The following CEP72 variants were observed in gnomAD, a reference collection of about 807,000 sequenced individuals.
CEP72 encodes the protein centrosomal protein 72, also known as centrosomal protein of 72 kDa.
Under a neutral mutation model 65.7 loss-of-function variants are expected in CEP72, and 78 were observed. That is an observed-to-expected ratio of 1.19 (90% CI 0.99 to 1.43). The LOEUF is 1.43. Among genes scored for constraint, CEP72 ranks in the 40% most tolerant of loss-of-function variants. CEP72 has a pLI of 0.00. For missense variants in CEP72, 914 were observed against 832.9 expected (o/e 1.10, Z -1.20); for synonymous variants, 358 against 351.7 (o/e 1.02, Z -0.20).
chr5:618,973 A>G lies in CEP72; in HGVS notation c.83-17A>G. The G allele has an allele frequency of 4.4e-6, 7 of 1,584,770 alleles. No homozygotes were observed. The highest frequency in any genetic ancestry group is 1.1e-5 in the South Asian group (1 of 89,012). ...TCAAAATAAAAGATTAAAATCTTACAATTTTTCTATTCTTAGCTGAGCTTC... is the reference window on the plus strand; with the variant it reads ...TCAAAATAAAAGATTAAAATCTTACGATTTTTCTATTCTTAGCTGAGCTTC... On this transcript the variant is annotated splice_polypyrimidine_tract_variant and intron_variant, in intron 1 of 11. Transcript: ENST00000264935.
chr5:628,598 CTTCT>C (rs1736943840), intron 4 of CEP72, among the ~76,000 whole-genome samples: 3 of 85,590 alleles, frequency 3.5e-5, no homozygotes, highest in South Asian at 4.3e-4. Flanking sequence ...CTTTGTGCAG[CTTCT>C]GGAGAACTCA....
intron 9 of CEP72, chr5:643,478 T>C (rs2455331): frequency 0.62 from 606,033 of 985,110 alleles, 188,660 homozygotes; most frequent in African/African-American, 0.89. Context: ...GCCTGGCGGG[T>C]GCATGCATGC....
At chr5:619,768 C>T (rs183355052) in intron 2 of CEP72, among the ~76,000 whole-genome samples, 5 of 152,296 alleles carry the variant, frequency 3.3e-5, no homozygotes, top group African/African-American at 1.2e-4. Flanking sequence ...TGTAGGGCGG[C>T]GTGTGGATTA....
intron 7 of CEP72, among the ~76,000 whole-genome samples, chr5:638,685 A>G (rs1432265736): frequency 6.6e-6 from 1 of 152,110 alleles, no homozygotes. Flanking sequence ...ACTCCGGGCC[A>G]TTGCTGGGGA....
intron 9 of CEP72, chr5:640,920 ATC>A (rs1737972321): frequency 2.0e-6 from 2 of 985,228 alleles, no homozygotes; most frequent in African/African-American, 1.7e-5. Flanking sequence ...TTGCTGACCC[ATC>A]TCTCAGGGCC....
In CEP72 at chr5:647,926, C is replaced by G; in HGVS notation, c.1778+10C>G. On this transcript the variant is annotated intron_variant, in intron 11 of 11. Transcript: ENST00000264935. ...TGCAGGAGAGCCACAGGTGCCTGCC[C>G]GTGAGACTTGGGTGGGCCCCCGAGG... 1.3e-6 allele frequency: 2 copies of G among 1,599,330 alleles called. No individual in the cohort carries two copies. Among genetic ancestry groups the G allele is most frequent in the Non-Finnish European group, 1.7e-6 (2 of 1,170,092 alleles).
chr5:642,714 A>G (rs1697978), intron 9 of CEP72: 606,169 of 985,296 alleles, frequency 0.62, 188,706 homozygotes, highest in African/African-American at 0.89. Flanking sequence ...TGAGTGATCC[A>G]GAAGAATCTG....
chr5:634,686 G>A (rs1443886966), intron 5 of CEP72, among the ~76,000 whole-genome samples: 1 of 151,890 alleles, frequency 6.6e-6, no homozygotes, highest in Non-Finnish European at 1.5e-5. Context: ...TTTCTCTCCA[G>A]GTCTGCCCAC....
intron 4 of CEP72, chr5:666,255 G>T: frequency 1.0e-6 from 1 of 999,146 alleles, no homozygotes; most frequent in Non-Finnish European, 1.4e-6. Flanking sequence ...CGGCCGCCCT[G>T]GTAGCACTGC....
chr5:618,865 G>T (rs1736165185), intron 1 of CEP72, 125 bp from the exon 2 acceptor site: 5 of 773,930 alleles, frequency 6.5e-6, no homozygotes, highest in African/African-American at 1.8e-5. Flanking sequence ...AGGAGCCTGA[G>T]TAAAGTTGAA....
Position 612,418 on chromosome 5 carries a change from C to A in CEP72, c.57C>A (p.Ser19Arg), listed in dbSNP as rs957991968. ...VLSEEAVRAK[S>R]GLGPHRDLAE... ...GCGAGGAGGCGGTTCGGGCGAAGAG[C>A]GGCTTAGGGCCTCACCGCGACCTGG... The change falls in exon 1 of 12, where the codon AGC becomes AGA. Residue 19 changes from serine to arginine, a missense_variant. Ser to Arg is a moderately radical substitution (Grantham distance 110). Transcript: ENST00000264935. The A allele has an allele frequency of 6.1e-6, 9 of 1,481,614 alleles. No individual in the cohort carries two copies. The highest frequency in any genetic ancestry group is 2.3e-5 in the Admixed American group (1 of 44,212). The allele number at this position is 1,481,614 out of a possible 1,614,324, so 91.8% of individuals were successfully genotyped here.
At chr5:615,308 G>A (rs1203665151) in intron 1 of CEP72, among the ~76,000 whole-genome samples, 3 of 151,904 alleles carry the variant, frequency 2.0e-5, no homozygotes, top group African/African-American at 7.3e-5. Context: ...CCTAATTTTT[G>A]TATTTTTAGT....
chr5:674,692 A>G, the CEP72 span, among the ~76,000 whole-genome samples: 20 of 151,992 alleles, frequency 1.3e-4, no homozygotes, highest in Non-Finnish European at 1.2e-4. Context: ...ACAGGCCCAC[A>G]CCGCATGGCC....
rs543824693 is a variant in CEP72, at chr5:645,017, G to C, written c.1666+592G>C. On this transcript the variant is annotated intron_variant, in intron 10 of 11. Coordinates refer to ENST00000264935, the MANE Select transcript of CEP72 (RefSeq NM_018140.4). This position sits in a 1 kb window ranked among gnomAD's most constrained non-coding sequence, Gnocchi z 4.0. Reference sequence around the variant, plus strand: ...TAAGGAAATGCTGATGGAGTCTGCTGTCCACGGTAACCTTCTCGGTGTGGC... The same window carrying C: ...TAAGGAAATGCTGATGGAGTCTGCTCTCCACGGTAACCTTCTCGGTGTGGC... Among the ~76,000 whole-genome samples the C allele has an allele frequency of 6.6e-6, 1 of 151,334 alleles. No homozygotes were observed. The highest frequency in any genetic ancestry group is 2.4e-5 in the African/African-American group (1 of 41,204).
At position 646,864 on chromosome 5, in the gene CEP72, TG is replaced by T. The variant is rs547088486; in HGVS notation, c.1667-936del. On this transcript the variant is annotated intron_variant, in intron 10 of 11. Transcript: ENST00000264935. The stretch of plus-strand genomic sequence containing the variant: ...GACATGATGTGTGACTTGTGGCCTC[TG>T]GGGGTTTGTCCCAGCCTCTTGTGTT... Among the ~76,000 whole-genome samples, 38 of 152,336 alleles carry T rather than the reference TG, an allele frequency of 2.5e-4. No homozygotes were observed. In the East Asian group the frequency reaches 6.2e-3, roughly 25 times the overall value.
intron 2 of CEP72, chr5:665,009 C>T (rs1739834442): frequency 6.9e-7 from 1 of 1,449,082 alleles, no homozygotes; most frequent in East Asian, 2.3e-5. Context: ...CGTCTGAGTT[C>T]TGCCCCAGTT....
chr5:667,000 C>G (rs1739943545), exon 5 of CEP72: 1 of 152,222 alleles, frequency 6.6e-6, no homozygotes, highest in South Asian at 2.1e-4. Flanking sequence ...CTGCACCCAG[C>G]AGGCCAAGCA....
chr5:638,259 G>T (rs1055860951), intron 7 of CEP72, among the ~76,000 whole-genome samples: 3 of 152,196 alleles, frequency 2.0e-5, no homozygotes, highest in Non-Finnish European at 4.4e-5. Context: ...AGCCATTGAT[G>T]ACCCTTTCGT....
At position 641,727 on chromosome 5, in the gene CEP72, A is replaced by G. The variant is rs192419212; in HGVS notation, c.1539+1123A>G. The stretch of plus-strand genomic sequence containing the variant: ...CAGAAGTCTCTGCATTTAAACACAC[A>G]TGGCCCCCCATCCCCCATCCAGAAG... On this transcript the variant is annotated intron_variant, in intron 9 of 11. Coordinates refer to ENST00000264935, the MANE Select transcript of CEP72 (RefSeq NM_018140.4). 2,088 of 973,506 alleles carry G rather than the reference A, an allele frequency of 2.1e-3. 8 individuals are homozygous for G. The highest frequency in any genetic ancestry group is 0.021 in the South Asian group (426 of 20,598). The allele number at this position is 973,506 out of a possible 1,614,324, so 60.3% of individuals were successfully genotyped here. A position where few individuals can be genotyped will look rare whatever the true frequency, so the allele number is the denominator to read the frequency against.
Sources: allele counts gnomAD v4.1 joint callset (sites outside exome capture counted in the v4.1 genomes callset), GRCh38; gene constraint gnomAD v4.1.1; non-coding constraint Gnocchi (gnomAD v3.1); transcripts MANE v1.5; gene names NCBI Gene and HGNC (gene_info 2026-07-23, HGNC 2026-07-21).